NRG1: variants seen among roughly 807,000 people sequenced by gnomAD.
The protein encoded by NRG1 is pro-neuregulin-1, membrane-bound isoform.
A neutral mutation model predicts 63.8 loss-of-function variants in NRG1; 18 were observed. That is an observed-to-expected ratio of 0.28 (90% CI 0.19 to 0.42). The LOEUF (loss-of-function observed/expected upper bound fraction) is 0.42. NRG1 is among the 10% of genes least tolerant of loss of function. The pLI, the probability that NRG1 is intolerant of heterozygous loss-of-function variation, is 1.00. For missense variants in NRG1, 762 were observed against 814.7 expected (o/e 0.94, Z 0.79); for synonymous variants, 302 against 301.3 (o/e 1.00, Z -0.02).
At chr8:32,646,780 C>T in intron 5 of NRG1, 1 of 985,286 alleles carries the variant, frequency 1.0e-6, no homozygotes. Context: ...GGCCTTTATT[C>T]CTTCTAATTG....
chr8:32,398,528 A>G (rs780689071), intron 1 of NRG1, among the ~76,000 whole-genome samples: 1 of 151,640 alleles, frequency 6.6e-6, no homozygotes, highest in East Asian at 1.9e-4. Context: ...TTCCTGCCTC[A>G]GCCTCCCGAG....
intron 8 of NRG1, 117 bp downstream of exon 8, chr8:32,754,591 G>A: frequency 1.1e-6 from 1 of 873,980 alleles, no homozygotes; most frequent in East Asian, 2.6e-5. Flanking sequence ...AAAAAAGGAG[G>A]GGCAGGGGGA....
intron 1 of NRG1, among the ~76,000 whole-genome samples, chr8:31,710,029 T>G (rs1458760670): frequency 6.6e-6 from 1 of 151,794 alleles, no homozygotes; most frequent in Non-Finnish European, 1.5e-5. Context: ...CTTTTAAATT[T>G]TTTAATAAAA....
exon 9 of NRG1, chr8:32,756,453 A>G: frequency 6.2e-7 from 1 of 1,613,824 alleles, no homozygotes; most frequent in Non-Finnish European, 8.5e-7. Flanking sequence ...CTTCGGTCTG[A>G]ACGAAACAAT....
intron 1 of NRG1, among the ~76,000 whole-genome samples, chr8:31,907,202 A>C (rs563151609): frequency 2.8e-5 from 4 of 143,368 alleles, no homozygotes; most frequent in South Asian, 4.4e-4. Flanking sequence ...TGACAGTGAA[A>C]GAATATGATG....
At chr8:31,683,592 A>AT (rs1339936150) in intron 1 of NRG1, among the ~76,000 whole-genome samples, 2 of 152,118 alleles carry the variant, frequency 1.3e-5, no homozygotes, top group African/African-American at 2.4e-5. Flanking sequence ...CGGTGAAACT[A>AT]TTTTTTATGA....
At chr8:32,078,754 G>A (rs557032328) in intron 1 of NRG1, among the ~76,000 whole-genome samples, 25 of 151,886 alleles carry the variant, frequency 1.6e-4, no homozygotes, top group Admixed American at 1.4e-3. Flanking sequence ...TTTTATGTCC[G>A]GCCCACTCTC....
chr8:31,936,657 G>A (rs562001005), intron 1 of NRG1, among the ~76,000 whole-genome samples: 1 of 152,228 alleles, frequency 6.6e-6, no homozygotes, highest in South Asian at 2.1e-4. Flanking sequence ...CCAGATAAAT[G>A]GACTCCAAAT....
exon 6 of NRG1, chr8:32,728,069 A>T: frequency 1.9e-6 from 3 of 1,613,978 alleles, no homozygotes; most frequent in Non-Finnish European, 2.5e-6. Context: ...CCCTCGAGAT[A>T]CTTGTGCAAG....
At chr8:31,919,366 A>C (rs1056462402) in intron 1 of NRG1, among the ~76,000 whole-genome samples, 1 of 151,152 alleles carries the variant, frequency 6.6e-6, no homozygotes, top group African/African-American at 2.4e-5. Context: ...TACAATAAAA[A>C]AAGCAAGAAG....
chr8:31,875,562 G>A (rs987574154), intron 1 of NRG1, among the ~76,000 whole-genome samples: 1 of 152,124 alleles, frequency 6.6e-6, no homozygotes, highest in Admixed American at 6.6e-5. Flanking sequence ...ATCATGCATC[G>A]AGGTGGCGGG....
At chr8:32,116,231 C>T (rs1290758377) in intron 1 of NRG1, among the ~76,000 whole-genome samples, 2 of 152,072 alleles carry the variant, frequency 1.3e-5, no homozygotes, top group East Asian at 3.9e-4. Context: ...TCCTGTACGA[C>T]CTAAAACTGT....
At chr8:32,499,761 A>G (rs1218489596) in intron 1 of NRG1, among the ~76,000 whole-genome samples, 1 of 152,198 alleles carries the variant, frequency 6.6e-6, no homozygotes, top group South Asian at 2.1e-4. Context: ...AGTCACGTGC[A>G]TTTCCCGGAG....
In NRG1 at chr8:32,742,237, T is replaced by G. The variant is rs949082673; in HGVS notation, c.633-438T>G. Among the ~76,000 whole-genome samples, 7 of 152,096 alleles carry G rather than the reference T, an allele frequency of 4.6e-5. No homozygotes were observed. Among genetic ancestry groups the G allele is most frequent in the Non-Finnish European group, 1.0e-4 (7 of 68,004 alleles). On this transcript the variant is annotated intron_variant, in intron 6 of 11. Coordinates refer to ENST00000356819, the Ensembl canonical transcript of NRG1. This position sits in a 1 kb window ranked among gnomAD's most constrained non-coding sequence, Gnocchi z 4.2. ...TTCAGTGTTACCTTATTTAACTGTC[T>G]CTCAAAGTGGGTCCCTAAGTCATCA...
intron 1 of NRG1, among the ~76,000 whole-genome samples, chr8:32,529,585 T>C (rs549234707): frequency 6.6e-6 from 1 of 152,342 alleles, no homozygotes; most frequent in Non-Finnish European, 1.5e-5. Flanking sequence ...ATTCTTATTC[T>C]ATAAGCTTTT....
At chr8:32,734,377 A>G (rs1824475488) in intron 6 of NRG1, among the ~76,000 whole-genome samples, 1 of 152,224 alleles carries the variant, frequency 6.6e-6, no homozygotes, top group African/African-American at 2.4e-5. Context: ...TTTGGAAAAA[A>G]TAAACAGGAC....
chr8:31,899,765 C>G (rs1420220820), intron 1 of NRG1, among the ~76,000 whole-genome samples: 1 of 152,082 alleles, frequency 6.6e-6, no homozygotes, highest in Non-Finnish European at 1.5e-5. Context: ...TATAAAAACA[C>G]ATACACACAC....
Position 31,955,864 on chromosome 8 carries a change from C to G in NRG1, c.37+316433C>G, listed in dbSNP as rs145033446. On this transcript the variant is annotated intron_variant, in intron 1 of 10. Transcript: ENST00000519301. ...CCATCCTGGGCAACATAGTGAGACCCTGTCCCTACTTCAAAAAAAAGAAAA... is the reference window on the plus strand; with the variant it reads ...CCATCCTGGGCAACATAGTGAGACCGTGTCCCTACTTCAAAAAAAAGAAAA... Among the ~76,000 whole-genome samples the G allele has an allele frequency of 6.3e-4, 96 of 151,708 alleles. 1 individual carries two copies. Among genetic ancestry groups the G allele is most frequent in the African/African-American group, 2.2e-3 (89 of 41,304 alleles).
chr8:31,679,021 CT>C (rs1300962835), intron 1 of NRG1, among the ~76,000 whole-genome samples: 3 of 151,754 alleles, frequency 2.0e-5, no homozygotes, highest in Non-Finnish European at 4.4e-5. Flanking sequence ...GTAAGTTAAT[CT>C]TCACCATAGG....
Sources: gnomAD v4.1 joint callset for allele counts (sites outside exome capture counted in the v4.1 genomes callset) on GRCh38, gnomAD v4.1.1 for gene constraint, Gnocchi (gnomAD v3.1) non-coding constraint, MANE v1.5 for transcripts, NCBI Gene and HGNC (gene_info 2026-07-23, HGNC 2026-07-21) for gene names.